OSBPL1A: variants seen among roughly 807,000 people sequenced by gnomAD.
The protein encoded by OSBPL1A is oxysterol binding protein like 1A.
OSBPL1A carries 80 observed loss-of-function variants against 137.1 expected under a neutral mutation model. The ratio of observed to expected loss-of-function variants is 0.58; its 90% CI spans 0.49 to 0.70. OSBPL1A has a LOEUF of 0.70. Among genes scored for constraint, OSBPL1A ranks in the 30% least tolerant of loss-of-function variants. The pLI, the probability that OSBPL1A is intolerant of heterozygous loss-of-function variation, is 0.00. For synonymous variants in OSBPL1A, 365 were observed against 389.7 expected, an observed-to-expected ratio of 0.94 and a Z score of 0.75; for missense variants, 970 against 1,129.4, an observed-to-expected ratio of 0.86 and a Z score of 2.02.
chr18:24,260,992 G>A (rs1441476579), intron 15 of OSBPL1A, among the ~76,000 whole-genome samples: 2 of 151,856 alleles, frequency 1.3e-5, no homozygotes, highest in African/African-American at 2.4e-5. Flanking sequence ...CCCCAAACTG[G>A]AAACAACCTA....
chr18:24,247,717 C>T (rs562047809), intron 15 of OSBPL1A, among the ~76,000 whole-genome samples: 22 of 152,066 alleles, frequency 1.4e-4, no homozygotes, highest in African/African-American at 5.1e-4. Flanking sequence ...ACAATCCACC[C>T]ACCTTGGCCT....
chr18:24,364,009 T>C (rs2091666324), intron 4 of OSBPL1A, among the ~76,000 whole-genome samples: 1 of 152,138 alleles, frequency 6.6e-6, no homozygotes, highest in Non-Finnish European at 1.5e-5. Flanking sequence ...TTTTCCTACC[T>C]TAAGGTTAGC....
intron 21 of OSBPL1A, among the ~76,000 whole-genome samples, chr18:24,174,442 G>A (rs892061057): frequency 6.6e-6 from 1 of 152,172 alleles, no homozygotes; most frequent in Non-Finnish European, 1.5e-5. Flanking sequence ...GACACTCAAA[G>A]GAAATGGTCA....
chr18:24,385,693 C>T (rs2144268796), intron 1 of OSBPL1A, among the ~76,000 whole-genome samples: 1 of 152,212 alleles, frequency 6.6e-6, no homozygotes, highest in East Asian at 1.9e-4. Flanking sequence ...TAGAAGAAGG[C>T]CACTGACGAG....
intron 15 of OSBPL1A, among the ~76,000 whole-genome samples, chr18:24,257,605 A>C (rs1457175813): frequency 6.6e-6 from 1 of 152,206 alleles, no homozygotes; most frequent in African/African-American, 2.4e-5. Context: ...AAGCACAGAC[A>C]ACCAAAGAAA....
chr18:24,390,557 T>C (rs1907264288), intron 1 of OSBPL1A, among the ~76,000 whole-genome samples: 1 of 151,580 alleles, frequency 6.6e-6, no homozygotes, highest in Non-Finnish European at 1.5e-5. Flanking sequence ...TAGCTGGGCA[T>C]GGTGGCACAT....
At chr18:24,292,569 T>A (rs1306637345) in intron 14 of OSBPL1A, among the ~76,000 whole-genome samples, 1 of 152,058 alleles carries the variant, frequency 6.6e-6, no homozygotes, top group East Asian at 1.9e-4. Flanking sequence ...GAGACCCCCA[T>A]CACATGCCAA....
intron 17 of OSBPL1A, among the ~76,000 whole-genome samples, chr18:24,213,670 T>C (rs984860478): frequency 2.6e-5 from 4 of 152,246 alleles, no homozygotes; most frequent in African/African-American, 7.2e-5. Flanking sequence ...TTTGATGTTT[T>C]AAATTACTTA....
chr18:24,179,802 A>C lies in OSBPL1A; in HGVS notation c.1846T>G (p.Ser616Ala). ...GGTTTTCCAGTCCGTTCCCACTGAG[A>C]AGCAACAGCAGATACAGCAAACGCA... ...VAAFAVSAVA[S>A]QWERTGKPFN... Residue 616 changes from serine to alanine, a missense_variant, in exon 20 of 28, where the codon TCT becomes GCT. Transcript: ENST00000319481. 6.2e-7 allele frequency: 1 copy of C among 1,614,214 alleles called. No homozygotes were observed. Among genetic ancestry groups the C allele is most frequent in the Non-Finnish European group, 8.5e-7 (1 of 1,180,020 alleles).
In OSBPL1A at chr18:24,183,417, A is replaced by ATTTTTC. The variant is rs201016070; in HGVS notation, c.1678-2144_1678-2139dup. 4.0e-5 allele frequency among the ~76,000 whole-genome samples: 6 copies of ATTTTTC among 149,638 alleles called. No homozygotes were observed. In the East Asian group the frequency reaches 9.8e-4, roughly 25 times the overall value. ...CTGATTTATATTCACACACAGAGAG[A>ATTTTTC]TTTTTCTTTTTCTTTTTCTTTTTTT... On this transcript the variant is annotated intron_variant, in intron 18 of 27. Coordinates refer to ENST00000319481, the MANE Select transcript of OSBPL1A (RefSeq NM_080597.4).
chr18:24,292,744 G>A (rs2090198486), intron 14 of OSBPL1A, among the ~76,000 whole-genome samples: 1 of 152,098 alleles, frequency 6.6e-6, no homozygotes, highest in African/African-American at 2.4e-5. Flanking sequence ...AAGTGCTGAG[G>A]GGAGGTGAAC....
intron 1 of OSBPL1A, among the ~76,000 whole-genome samples, chr18:24,392,258 T>C (rs1177454405): frequency 2.6e-5 from 4 of 152,154 alleles, no homozygotes; most frequent in Non-Finnish European, 5.9e-5. Flanking sequence ...CCTCCCGGGT[T>C]CAAGTGATTC....
At chr18:24,246,900 T>C (rs1469880493) in intron 15 of OSBPL1A, among the ~76,000 whole-genome samples, 1 of 151,940 alleles carries the variant, frequency 6.6e-6, no homozygotes, top group Non-Finnish European at 1.5e-5. Context: ...ATTCTGGATA[T>C]ATTTTGAAGG....
At chr18:24,394,920 C>A (rs1479300577) in intron 1 of OSBPL1A, among the ~76,000 whole-genome samples, 2 of 152,168 alleles carry the variant, frequency 1.3e-5, no homozygotes, top group South Asian at 2.1e-4. Flanking sequence ...AAAACTATTT[C>A]TTATACTAGC....
intron 7 of OSBPL1A, among the ~76,000 whole-genome samples, chr18:24,329,339 C>T (rs2091035251): frequency 6.6e-6 from 1 of 152,090 alleles, no homozygotes; most frequent in South Asian, 2.1e-4. Context: ...CACCTGAGGT[C>T]AGGAATTTGA....
chr18:24,197,761 T>C (rs2087076722), intron 17 of OSBPL1A, among the ~76,000 whole-genome samples: 1 of 151,862 alleles, frequency 6.6e-6, no homozygotes, highest in Admixed American at 6.6e-5. Context: ...AATTAAATTT[T>C]CCATCTATTT....
chr18:24,321,051 G>GA (rs1306786372), intron 7 of OSBPL1A, among the ~76,000 whole-genome samples: 1 of 144,496 alleles, frequency 6.9e-6, no homozygotes, highest in Non-Finnish European at 1.5e-5. Flanking sequence ...AAAAAGAAAA[G>GA]AAAAGAATAA....
At position 24,311,484 on chromosome 18, in the gene OSBPL1A, C is replaced by T. The variant is rs570326032; in HGVS notation, c.1092+500G>A. On this transcript the variant is annotated intron_variant, in intron 13 of 27. Coordinates refer to ENST00000319481, the MANE Select transcript of OSBPL1A (RefSeq NM_080597.4). ...CTGATATTCCTCTAGGGATAAGGCA[C>T]TGGTGTCACTTCAGAAGACTTCTCC... 644 of 986,146 alleles carry T rather than the reference C, an allele frequency of 6.5e-4. 4 individuals carry two copies. In the African/African-American group the frequency reaches 0.01, roughly 16 times the overall value. The allele number at this position is 986,146 out of a possible 1,614,324, so 61.1% of individuals were successfully genotyped here.
At chr18:24,329,863 T>C (rs2091044946) in intron 7 of OSBPL1A, among the ~76,000 whole-genome samples, 1 of 152,192 alleles carries the variant, frequency 6.6e-6, no homozygotes, top group South Asian at 2.1e-4. Flanking sequence ...GCTCATTTTT[T>C]AGACCGTTAT....
Sources: gnomAD v4.1 joint callset for allele counts (sites outside exome capture counted in the v4.1 genomes callset) on GRCh38, gnomAD v4.1.1 for gene constraint, MANE v1.5 for transcripts, NCBI Gene and HGNC (gene_info 2026-07-23, HGNC 2026-07-21) for gene names.